SMG6: variants seen among roughly 807,000 people sequenced by gnomAD.
The protein encoded by SMG6 is telomerase-binding protein EST1A.
Under a neutral mutation model 142.2 loss-of-function variants are expected in SMG6, and 66 were observed. The ratio of observed to expected loss-of-function variants is 0.46; its 90% CI spans 0.38 to 0.57. The LOEUF (loss-of-function observed/expected upper bound fraction) is 0.57, where lower values mean the gene tolerates loss of function less well. Among genes scored for constraint, SMG6 ranks in the 20% least tolerant of loss-of-function variants. The probability of loss-of-function intolerance (pLI) is 0.00; values close to 1 mark genes in which losing one functional copy is unlikely to be tolerated. For synonymous variants in SMG6, 779 were observed against 702.4 expected (o/e 1.11, Z -1.72); for missense variants, 1,793 against 1,832.0 (o/e 0.98, Z 0.39).
chr17:2,114,167 G>C (rs1282945316), intron 13 of SMG6, among the ~76,000 whole-genome samples: 1 of 152,166 alleles, frequency 6.6e-6, no homozygotes, highest in Non-Finnish European at 1.5e-5. Flanking sequence ...CTACTTGGGA[G>C]GCTGAGGCAG....
At chr17:2,123,142 G>A (rs779508253) in intron 13 of SMG6, among the ~76,000 whole-genome samples, 3 of 152,228 alleles carry the variant, frequency 2.0e-5, no homozygotes, top group Non-Finnish European at 4.4e-5. Flanking sequence ...GCGTGTTGGC[G>A]GCTGCCTCAG....
intron 13 of SMG6, among the ~76,000 whole-genome samples, chr17:2,134,274 T>C (rs1032882271): frequency 6.6e-5 from 10 of 151,406 alleles, no homozygotes; most frequent in Admixed American, 6.6e-4. Context: ...AAAAACTAGC[T>C]GGGCATGGTG....
intron 13 of SMG6, among the ~76,000 whole-genome samples, chr17:2,110,364 G>T (rs1183924670): frequency 3.3e-5 from 5 of 152,116 alleles, no homozygotes; most frequent in African/African-American, 1.2e-4. Context: ...CGAGTTTCTG[G>T]TATGTTCTTC....
intron 13 of SMG6, among the ~76,000 whole-genome samples, chr17:2,144,049 C>CGTTT: frequency 1.5e-5 from 1 of 65,098 alleles, no homozygotes. Context: ...ACCACGGCCG[C>CGTTT]TTTTTTTTTT....
At chr17:2,268,922 C>T (rs548889192) in intron 8 of SMG6, among the ~76,000 whole-genome samples, 2 of 112,870 alleles carry the variant, frequency 1.8e-5, no homozygotes, top group African/African-American at 3.4e-5. Flanking sequence ...AAAAAAAAAA[C>T]GATCAGGCAC....
At position 2,112,343 on chromosome 17, in the gene SMG6, A is replaced by C. The variant is rs556823678; in HGVS notation, c.3358-26442T>G. ...CATGGTGAAACCCCGTCTCTACTAAAAATACAAAAAAAAAATTAGCCAGGC... is the reference window on the plus strand; with the variant it reads ...CATGGTGAAACCCCGTCTCTACTAACAATACAAAAAAAAAATTAGCCAGGC... On this transcript the variant is annotated intron_variant, in intron 13 of 18. Transcript: ENST00000263073. Among the ~76,000 whole-genome samples the C allele has an allele frequency of 1.5e-3, 227 of 151,674 alleles. 2 individuals carry two copies. The highest frequency in any genetic ancestry group is 5.3e-3 in the African/African-American group (218 of 41,370).
At chr17:2,210,117 C>A (rs1401318380) in intron 10 of SMG6, among the ~76,000 whole-genome samples, 1 of 152,120 alleles carries the variant, frequency 6.6e-6, no homozygotes, top group South Asian at 2.1e-4. Flanking sequence ...TAGCCTAGGT[C>A]CAGAGCTCCT....
chr17:2,088,155 G>T lies in SMG6; in HGVS notation c.3358-2254C>A, dbSNP rs930225504. The T allele has an allele frequency of 1.2e-5, 12 of 985,474 alleles. No individual in the cohort carries two copies. In the African/African-American group the frequency reaches 2.1e-4, roughly 17 times the overall value. The allele number at this position is 985,474 out of a possible 1,614,324, so 61.0% of individuals were successfully genotyped here. ...GAGGAAACCTGCCCAGGACAGGAGT[G>T]TGCCACGGACACATGCACAGACAGG... On this transcript the variant is annotated intron_variant, in intron 13 of 18. Transcript: ENST00000263073.
At chr17:2,163,794 C>T (rs1317838287) in intron 13 of SMG6, among the ~76,000 whole-genome samples, 1 of 151,542 alleles carries the variant, frequency 6.6e-6, no homozygotes, top group Non-Finnish European at 1.5e-5. Flanking sequence ...GAGCTGCTTG[C>T]TTGGTGGTTA....
intron 13 of SMG6, among the ~76,000 whole-genome samples, chr17:2,166,111 C>G (rs1487878888): frequency 2.0e-5 from 3 of 152,076 alleles, no homozygotes; most frequent in Admixed American, 2.0e-4. Context: ...ACTCGGGAGG[C>G]TGAGGCAGGA....
intron 13 of SMG6, among the ~76,000 whole-genome samples, chr17:2,095,787 T>C (rs543312668): frequency 6.6e-6 from 1 of 152,264 alleles, no homozygotes; most frequent in South Asian, 2.1e-4. Context: ...GAAAATTCTT[T>C]TGGGCTTAGC....
chr17:2,125,404 G>C (rs1056982244), intron 13 of SMG6, among the ~76,000 whole-genome samples: 1 of 152,174 alleles, frequency 6.6e-6, no homozygotes, highest in Admixed American at 6.5e-5. Context: ...GAAAATCTGA[G>C]GATAATTCTC....
intron 13 of SMG6, chr17:2,088,789 C>G (rs1374248002): frequency 1.0e-6 from 1 of 985,272 alleles, no homozygotes; most frequent in Non-Finnish European, 1.2e-6. Context: ...ACAGAGAAAC[C>G]TTCTGTCTGT....
intron 18 of SMG6, 67 bp from the exon 19 acceptor site, chr17:2,061,689 A>C (rs1597310745): frequency 6.6e-7 from 1 of 1,513,886 alleles, no homozygotes; most frequent in Non-Finnish European, 8.9e-7. Context: ...TGCTCTTCTC[A>C]CCCTGGAGAA....
intron 12 of SMG6, among the ~76,000 whole-genome samples, chr17:2,181,316 T>A (rs192012257): frequency 6.6e-6 from 1 of 152,342 alleles, no homozygotes; most frequent in Admixed American, 6.5e-5. Flanking sequence ...TCAGTGGTAG[T>A]CAGGCCAGGT....
chr17:2,199,483 T>C (rs569732571), intron 10 of SMG6, among the ~76,000 whole-genome samples: 7 of 151,464 alleles, frequency 4.6e-5, no homozygotes, highest in East Asian at 1.9e-4. Flanking sequence ...GGCTGCAGTA[T>C]TGTGGAGTGA....
intron 11 of SMG6, 109 bp downstream of exon 11, chr17:2,188,290 G>T: frequency 1.2e-6 from 1 of 846,398 alleles, no homozygotes; most frequent in African/African-American, 1.7e-5. Context: ...GTAAGAGGAA[G>T]AATGGAGACT....
intron 13 of SMG6, among the ~76,000 whole-genome samples, chr17:2,129,591 C>T (rs981157224): frequency 4.0e-5 from 6 of 151,498 alleles, no homozygotes; most frequent in South Asian, 2.1e-4. Flanking sequence ...GTCAGGAGTT[C>T]GAGACCAGCC....
chr17:2,081,658 G>C (rs1445229154), intron 15 of SMG6, 152 bp downstream of exon 15: 2 of 911,732 alleles, frequency 2.2e-6, no homozygotes, highest in African/African-American at 3.3e-5. Flanking sequence ...CCAGAATTTA[G>C]TGGTAGAGTG....
Sources: allele counts gnomAD v4.1 joint callset (sites outside exome capture counted in the v4.1 genomes callset), GRCh38; gene constraint gnomAD v4.1.1; transcripts MANE v1.5; gene names NCBI Gene and HGNC (gene_info 2026-07-23, HGNC 2026-07-21).